PTPRD: variants seen among roughly 807,000 people sequenced by gnomAD.
PTPRD encodes receptor-type tyrosine-protein phosphatase delta.
In PTPRD, 34 loss-of-function variants were observed where a neutral mutation model predicts 214.5. The observed-to-expected ratio is 0.16, with a 90% CI of 0.12 to 0.21. PTPRD has a LOEUF of 0.21. Ranked by LOEUF, PTPRD falls within the 10% of genes least tolerant of loss-of-function variation. PTPRD has a pLI of 1.00. For synonymous variants in PTPRD, 1,128 were observed against 845.7 expected, an observed-to-expected ratio of 1.33 and a Z score of -5.79; for missense variants, 2,545 against 2,398.7, an observed-to-expected ratio of 1.06 and a Z score of -1.27.
chr9:9,617,127 A>C (rs1267699548), intron 7 of PTPRD, among the ~76,000 whole-genome samples: 1 of 152,186 alleles, frequency 6.6e-6, no homozygotes, highest in East Asian at 1.9e-4. Context: ...TAAAGAATAG[A>C]ATGCTTATTC....
At chr9:9,727,039 C>T (rs931281278) in intron 7 of PTPRD, among the ~76,000 whole-genome samples, 6 of 152,118 alleles carry the variant, frequency 3.9e-5, no homozygotes, top group African/African-American at 1.4e-4. Context: ...TGGAGAAGAG[C>T]TGCTTGATTT....
At chr9:8,841,114 A>G (rs2570300) in intron 11 of PTPRD, among the ~76,000 whole-genome samples, 136,135 of 152,190 alleles carry the variant, frequency 0.89, 61,059 homozygotes, top group African/African-American at 0.96. Flanking sequence ...TTTCATTACA[A>G]CTCCTGCCCT....
At chr9:10,326,079 TTA>T (rs2096637939) in intron 3 of PTPRD, among the ~76,000 whole-genome samples, 1 of 151,768 alleles carries the variant, frequency 6.6e-6, no homozygotes, top group African/African-American at 2.4e-5. Context: ...ATTTTCTTTT[TTA>T]TATAAATATA....
intron 4 of PTPRD, among the ~76,000 whole-genome samples, chr9:10,017,019 T>A (rs1023246095): frequency 2.0e-5 from 3 of 152,174 alleles, no homozygotes; most frequent in African/African-American, 7.2e-5. Context: ...TGTGTCACGG[T>A]TGAAACACCT....
chr9:8,531,070 AACTTC>A (rs1182928584), intron 14 of PTPRD, among the ~76,000 whole-genome samples: 20 of 152,204 alleles, frequency 1.3e-4, no homozygotes, highest in Non-Finnish European at 1.3e-4. Flanking sequence ...CAATGAGCTG[AACTTC>A]ACTTAAGTTG....
chr9:9,462,943 T>C (rs142364130), intron 8 of PTPRD, among the ~76,000 whole-genome samples: 7 of 152,302 alleles, frequency 4.6e-5, no homozygotes, highest in African/African-American at 1.2e-4. Flanking sequence ...ACCGATTGTA[T>C]AGTTTAAGGA....
chr9:9,686,339 G>A (rs1595199230), intron 7 of PTPRD, among the ~76,000 whole-genome samples: 1 of 151,038 alleles, frequency 6.6e-6, no homozygotes, highest in East Asian at 2.0e-4. Context: ...TTTTTACTGT[G>A]TATTCTGTAT....
chr9:9,180,668 TACTACAAAAGGAA>T (rs994643076), intron 10 of PTPRD, among the ~76,000 whole-genome samples: 3 of 152,114 alleles, frequency 2.0e-5, no homozygotes, highest in African/African-American at 7.2e-5. Context: ...AACACTCACA[TACTACAAAAGGAA>T]AGAATTTCTT....
chr9:8,656,052 C>T (rs1310424788), intron 12 of PTPRD, among the ~76,000 whole-genome samples: 1 of 152,174 alleles, frequency 6.6e-6, no homozygotes, highest in Non-Finnish European at 1.5e-5. Flanking sequence ...TATTCATAAA[C>T]AAATCAGACT....
chr9:8,918,269 T>C (rs182757093), intron 11 of PTPRD, among the ~76,000 whole-genome samples: 4 of 152,140 alleles, frequency 2.6e-5, no homozygotes, highest in Admixed American at 2.0e-4. Flanking sequence ...ACTCTTAAAA[T>C]AGAGAGAAAG....
chr9:9,505,776 T>A (rs1392262870), intron 8 of PTPRD, among the ~76,000 whole-genome samples: 1 of 151,520 alleles, frequency 6.6e-6, no homozygotes, highest in Non-Finnish European at 1.5e-5. Context: ...ATAACAGTGA[T>A]AAACCTTTTA....
At chr9:10,496,972 A>G (rs556382092) in intron 2 of PTPRD, among the ~76,000 whole-genome samples, 6 of 152,000 alleles carry the variant, frequency 3.9e-5, no homozygotes, top group Non-Finnish European at 7.4e-5. Flanking sequence ...CAGCCATAAA[A>G]AAGAATGGAA....
At position 10,216,016 on chromosome 9, in the gene PTPRD, G is replaced by A. The variant is rs865804541; in HGVS notation, c.-545+124947C>T. 2.0e-4 allele frequency among the ~76,000 whole-genome samples: 31 copies of A among 152,020 alleles called. 1 individual carries two copies. In the Middle Eastern group the frequency reaches 0.01, roughly 50 times the overall value. On this transcript the variant is annotated intron_variant, in intron 3 of 45. Transcript: ENST00000381196. The stretch of plus-strand genomic sequence containing the variant: ...AGAAACTTTTTCTAAGGAAAAGTGA[G>A]AGCATAATTAATACCAATTTTAGGA...
intron 11 of PTPRD, among the ~76,000 whole-genome samples, chr9:8,959,941 C>A (rs985786705): frequency 4.6e-5 from 7 of 152,028 alleles, no homozygotes; most frequent in African/African-American, 1.7e-4. Context: ...TATCATGTGA[C>A]AAGTGTACAA....
At chr9:8,604,644 C>T (rs1181231296) in intron 14 of PTPRD, among the ~76,000 whole-genome samples, 1 of 152,058 alleles carries the variant, frequency 6.6e-6, no homozygotes, top group Non-Finnish European at 1.5e-5. Flanking sequence ...GGGACTCAAG[C>T]TAAATCAGAT....
intron 2 of PTPRD, among the ~76,000 whole-genome samples, chr9:10,439,015 C>T (rs770130365): frequency 1.3e-5 from 2 of 151,638 alleles, no homozygotes; most frequent in Admixed American, 6.6e-5. Context: ...GACTTGACTG[C>T]TAAATGGGAT....
intron 5 of PTPRD, among the ~76,000 whole-genome samples, chr9:9,837,477 G>A (rs900099593): frequency 1.3e-5 from 2 of 152,114 alleles, no homozygotes; most frequent in Non-Finnish European, 2.9e-5. Context: ...TTGATGGGAA[G>A]TAGGTCCAGT....
chr9:9,314,416 G>A (rs1268434676), intron 9 of PTPRD, among the ~76,000 whole-genome samples: 1 of 152,084 alleles, frequency 6.6e-6, no homozygotes, highest in African/African-American at 2.4e-5. Flanking sequence ...GAATTTAAAT[G>A]GACATAAATT....
rs2076928468 is a variant in PTPRD, at chr9:10,597,657, G to A, written c.-600+14741C>T. Among the ~76,000 whole-genome samples the A allele has an allele frequency of 2.0e-5, 3 of 151,682 alleles. No individual in the cohort carries two copies. The Admixed American group carries it at 2.0e-4, about 10-fold the overall frequency. Reference sequence around the variant, plus strand: ...GCAGGTTCTATAATGTAAATGCAGTGGTAAGCAAAGATTTCATTAACTTCC... The same window carrying A: ...GCAGGTTCTATAATGTAAATGCAGTAGTAAGCAAAGATTTCATTAACTTCC... On this transcript the variant is annotated intron_variant, in intron 2 of 45. Coordinates refer to ENST00000381196, the MANE Select transcript of PTPRD (RefSeq NM_002839.4).
Sources: gnomAD v4.1 joint callset for allele counts (sites outside exome capture counted in the v4.1 genomes callset) on GRCh38, gnomAD v4.1.1 for gene constraint, MANE v1.5 for transcripts, NCBI Gene and HGNC (gene_info 2026-07-23, HGNC 2026-07-21) for gene names.